Variants in RIMBP2 observed in about 807,000 individuals in gnomAD.
The protein encoded by RIMBP2 is RIMS-binding protein 2.
Under a neutral mutation model 118.6 loss-of-function variants are expected in RIMBP2, and 48 were observed. The observed-to-expected ratio is 0.40, with a 90% CI of 0.32 to 0.51. The LOEUF (loss-of-function observed/expected upper bound fraction) is 0.51, where lower values mean the gene tolerates loss of function less well. Ranked by LOEUF, RIMBP2 falls within the 20% of genes least tolerant of loss-of-function variation. The pLI is 0.41. For synonymous variants in RIMBP2, 762 were observed against 742.9 expected (o/e 1.03, Z -0.42); for missense variants, 1,551 against 1,768.3 (o/e 0.88, Z 2.20).
chr12:130,613,284 C>T (rs944103224), intron 2 of RIMBP2, among the ~76,000 whole-genome samples: 1 of 152,182 alleles, frequency 6.6e-6, no homozygotes, highest in Non-Finnish European at 1.5e-5. Context: ...GAGCTGCGAC[C>T]GCCCCGCCAG....
chr12:130,679,963 G>T (rs34216924), intron 1 of RIMBP2, among the ~76,000 whole-genome samples: 8,294 of 151,500 alleles, frequency 0.055, 275 homozygotes, highest in Non-Finnish European at 0.076. Flanking sequence ...CACGCAGGGA[G>T]TGTGTTCGCC....
intron 2 of RIMBP2, among the ~76,000 whole-genome samples, chr12:130,532,743 G>A (rs528625000): frequency 2.2e-5 from 3 of 134,074 alleles, no homozygotes; most frequent in African/African-American, 7.9e-5. Flanking sequence ...TCAGCCTCTA[G>A]GAGTTACATC....
rs1330100302 is a variant in RIMBP2 at position 130,535,732 on chromosome 12, TATATAC to T, written c.-216-17821_-216-17816del. 5.6e-3 allele frequency among the ~76,000 whole-genome samples: 109 copies of T among 19,458 alleles called. No individual in the cohort carries two copies. In the East Asian group the frequency reaches 0.25, roughly 44 times the overall value. 12.8% of individuals were successfully genotyped at this position (19,458 alleles called of 152,430 possible). The stretch of plus-strand genomic sequence containing the variant: ...ATATACATATACATATATATACATA[TATATAC>T]ATATATATATATATATATATATATA... On this transcript the variant is annotated intron_variant, in intron 2 of 22. Coordinates refer to ENST00000690449, the MANE Select transcript of RIMBP2 (RefSeq NM_001393629.1).
intron 1 of RIMBP2, among the ~76,000 whole-genome samples, chr12:130,708,702 G>T (rs1477452477): frequency 6.6e-6 from 1 of 152,116 alleles, no homozygotes; most frequent in Admixed American, 6.5e-5. Context: ...ACAAATTAGT[G>T]AAATAAAGCT....
At chr12:130,508,315 T>C (rs920227810) in intron 3 of RIMBP2, among the ~76,000 whole-genome samples, 1 of 151,850 alleles carries the variant, frequency 6.6e-6, no homozygotes, top group African/African-American at 2.4e-5. Context: ...TGAAACCTTC[T>C]GTGGTTTCCA....
At chr12:130,596,628 G>A (rs567101126) in intron 2 of RIMBP2, among the ~76,000 whole-genome samples, 19 of 152,176 alleles carry the variant, frequency 1.2e-4, no homozygotes, top group Non-Finnish European at 2.4e-4. Flanking sequence ...CTCTTCTGCC[G>A]TAGTCACAGT....
At chr12:130,572,596 C>G (rs558650411) in intron 2 of RIMBP2, among the ~76,000 whole-genome samples, 1 of 152,148 alleles carries the variant, frequency 6.6e-6, no homozygotes, top group East Asian at 1.9e-4. Flanking sequence ...AGGGATGTGA[C>G]ACCGATTTCC....
intron 1 of RIMBP2, among the ~76,000 whole-genome samples, chr12:130,664,381 ACGCG>A (rs2063782317): frequency 8.3e-6 from 1 of 120,596 alleles, no homozygotes; most frequent in Non-Finnish European, 1.9e-5. Context: ...GCATGCACGC[ACGCG>A]CATGCACACA....
rs1249747856 is a variant in RIMBP2, at chr12:130,475,338, T to G, written c.102+3574A>C. Among the ~76,000 whole-genome samples, 1 of 152,164 alleles carries G rather than the reference T, an allele frequency of 6.6e-6. No homozygotes were observed. The highest frequency in any genetic ancestry group is 1.5e-5 in the Non-Finnish European group (1 of 68,032). On this transcript the variant is annotated intron_variant, in intron 5 of 22. Coordinates refer to ENST00000690449, the MANE Select transcript of RIMBP2 (RefSeq NM_001393629.1). The surrounding 1 kb of genome is among the most constrained non-coding windows in gnomAD (Gnocchi z 4.1). Reference sequence around the variant, plus strand: ...GTGCTGGGATGCAGGCCCCTGATATTAGACGCCTGAATGTCCAGCACCCTC... The same window carrying G: ...GTGCTGGGATGCAGGCCCCTGATATGAGACGCCTGAATGTCCAGCACCCTC...
At chr12:130,433,913 A>G (rs2077323543) in intron 14 of RIMBP2, among the ~76,000 whole-genome samples, 1 of 152,228 alleles carries the variant, frequency 6.6e-6, no homozygotes, top group African/African-American at 2.4e-5. Flanking sequence ...AGCCGTGATT[A>G]GTTGGGCATT....
In RIMBP2 at chr12:130,436,917, C is replaced by T. The variant is rs753479364; in HGVS notation, c.2031G>A (p.Gln677=). 6.2e-7 allele frequency: 1 copy of T among 1,602,758 alleles called. No homozygotes were observed. The highest frequency in any genetic ancestry group is 1.3e-5 in the African/African-American group (1 of 74,844). The stretch of plus-strand genomic sequence containing the variant: ...CGACGGTGGTGGACACCGGGGTGCC[C>T]TGTGGCTGTGGCAGGATGCGGCTGG... ...PSPSRILPQP[Q]GTPVSTTVAK... The change falls in exon 13 of 23, where the codon CAG becomes CAA. Residue 677 remains glutamine (Q), a synonymous_variant. Coordinates refer to ENST00000690449, the MANE Select transcript of RIMBP2 (RefSeq NM_001393629.1).
intron 17 of RIMBP2, among the ~76,000 whole-genome samples, chr12:130,415,913 G>A (rs183071576): frequency 1.3e-4 from 20 of 152,112 alleles, no homozygotes; most frequent in Admixed American, 1.2e-3. Flanking sequence ...CCAATAAATT[G>A]TTCAAGCTGA....
intron 2 of RIMBP2, among the ~76,000 whole-genome samples, chr12:130,587,736 G>A (rs2058998764): frequency 1.5e-5 from 2 of 130,020 alleles, no homozygotes; most frequent in Non-Finnish European, 3.2e-5. Context: ...GCTAGATGAC[G>A]AGTTAGTGGG....
intron 6 of RIMBP2, among the ~76,000 whole-genome samples, chr12:130,462,300 C>T (rs2080066359): frequency 6.6e-6 from 1 of 152,180 alleles, no homozygotes; most frequent in Non-Finnish European, 1.5e-5. Flanking sequence ...CACGCACTTA[C>T]AGACAAGCTG....
intron 1 of RIMBP2, among the ~76,000 whole-genome samples, chr12:130,666,524 C>G (rs2063920748): frequency 6.6e-6 from 1 of 152,206 alleles, no homozygotes; most frequent in East Asian, 1.9e-4. Flanking sequence ...TCAATGCACC[C>G]CAGTTTCACT....
At position 130,424,259 on chromosome 12, in the gene RIMBP2, G is replaced by C. The variant is rs530645054; in HGVS notation, c.3012C>G (p.Gly1004=). 22 of 1,231,710 alleles carry C rather than the reference G, an allele frequency of 1.8e-5. No homozygotes were observed. The highest frequency in any genetic ancestry group is 2.2e-5 in the Non-Finnish European group (22 of 987,846). The allele number at this position is 1,231,710 out of a possible 1,614,324, so 76.3% of individuals were successfully genotyped here. The change falls in exon 16 of 23, where the codon GGC becomes GGG. Residue 1004 remains glycine (G), a synonymous_variant. Transcript: ENST00000690449. This position sits in a 1 kb window ranked among gnomAD's most constrained non-coding sequence, Gnocchi z 9.8. ...GAAAATCTTGGTGCTCGGTGGGCTC[G>C]CCCCAGCCGTGCTTCCTGGGGGGCG... ...ERPPPRKHGW[G]EPTEHQDFRG...
intron 2 of RIMBP2, among the ~76,000 whole-genome samples, chr12:130,529,427 G>A (rs2139295550): frequency 6.6e-6 from 1 of 152,266 alleles, no homozygotes; most frequent in East Asian, 1.9e-4. Flanking sequence ...AATCTGCAGA[G>A]ACAGAAAGCA....
chr12:130,678,883 C>T (rs7979645), intron 1 of RIMBP2, among the ~76,000 whole-genome samples: 6,855 of 152,142 alleles, frequency 0.045, 387 homozygotes, highest in African/African-American at 0.13. Flanking sequence ...GAACGTAGAC[C>T]CATAGTCAGC....
chr12:130,698,397 G>A (rs1291166374), intron 1 of RIMBP2, among the ~76,000 whole-genome samples: 1 of 152,212 alleles, frequency 6.6e-6, no homozygotes, highest in East Asian at 1.9e-4. Flanking sequence ...GACCTGTCAG[G>A]AAGGGACAAG....
Sources: allele counts gnomAD v4.1 joint callset (sites outside exome capture counted in the v4.1 genomes callset), GRCh38; gene constraint gnomAD v4.1.1; non-coding constraint Gnocchi (gnomAD v3.1); transcripts MANE v1.5; gene names NCBI Gene and HGNC (gene_info 2026-07-23, HGNC 2026-07-21).